CAMK4: variants seen among roughly 807,000 people sequenced by gnomAD.
The protein encoded by CAMK4 is calcium/calmodulin dependent protein kinase IV.
In CAMK4, 22 loss-of-function variants were observed where a neutral mutation model predicts 44.9. That is an observed-to-expected ratio of 0.49 (90% CI 0.35 to 0.70). CAMK4 has a LOEUF of 0.70. CAMK4 is among the 30% of genes least tolerant of loss of function. The pLI is 0.01. For synonymous variants in CAMK4, 218 were observed against 215.4 expected, an observed-to-expected ratio of 1.01 and a Z score of -0.11; for missense variants, 498 against 586.8, an observed-to-expected ratio of 0.85 and a Z score of 1.56.
intron 5 of CAMK4, among the ~76,000 whole-genome samples, chr5:111,417,986 T>A (rs969118871): frequency 1.3e-5 from 2 of 152,144 alleles, no homozygotes; most frequent in Non-Finnish European, 1.5e-5. Context: ...TACTTACAAC[T>A]GATATTTTGG....
chr5:111,284,098 T>C (rs987282032), intron 1 of CAMK4, among the ~76,000 whole-genome samples: 1 of 152,232 alleles, frequency 6.6e-6, no homozygotes, highest in Non-Finnish European at 1.5e-5. Flanking sequence ...GTAAAAATTA[T>C]AGTATCCCTT....
chr5:111,432,644 A>ATG (rs1561485064), intron 5 of CAMK4, among the ~76,000 whole-genome samples: 4 of 133,696 alleles, frequency 3.0e-5, no homozygotes, highest in African/African-American at 1.2e-4. Context: ...ATACATATAT[A>ATG]TATGTATATA....
chr5:111,236,536 A>T (rs1475003024), intron 1 of CAMK4, among the ~76,000 whole-genome samples: 1 of 152,222 alleles, frequency 6.6e-6, no homozygotes, highest in East Asian at 1.9e-4. Context: ...GGTTTGTCAG[A>T]CTTCAGCACT....
intron 1 of CAMK4, among the ~76,000 whole-genome samples, chr5:111,263,283 A>T (rs1202472122): frequency 6.6e-6 from 1 of 152,210 alleles, no homozygotes; most frequent in Non-Finnish European, 1.5e-5. Flanking sequence ...CTTTTATGTT[A>T]TATACATCAT....
chr5:111,388,309 T>G (rs144129733), intron 4 of CAMK4, among the ~76,000 whole-genome samples: 2 of 152,182 alleles, frequency 1.3e-5, no homozygotes, highest in African/African-American at 2.4e-5. Flanking sequence ...ATACATTACA[T>G]CTATGATAAT....
rs143584280 is a variant in CAMK4, at chr5:111,482,806, G to A, written c.850G>A (p.Asp284Asn). 110 of 1,608,356 alleles carry A rather than the reference G, an allele frequency of 6.8e-5. No individual in the cohort carries two copies. In the African/African-American group the frequency reaches 1.4e-3, roughly 21 times the overall value. Residue 284 changes from aspartate (D) to asparagine (N), a missense_variant, in exon 10 of 11, where the codon GAT becomes AAT. Around this residue, in one of 3 missense-constraint regions of CAMK4, gnomAD observed 203 missense variants for 298.2 expected, o/e 0.68. Transcript: ENST00000282356. The surrounding 1 kb of genome is among the most constrained non-coding windows in gnomAD (Gnocchi z 4.9). Reference sequence around the variant, plus strand: ...TCAGGTCAGAAAATTAATTGTTTTGGATCCAAAGAAACGGCTGACTACATT... The same window carrying A: ...TCAGGTCAGAAAATTAATTGTTTTGAATCCAAAGAAACGGCTGACTACATT... Reference protein sequence around the residue: ...KDLVRKLIVLDPKKRLTTFQA... With the variant: ...KDLVRKLIVLNPKKRLTTFQA...
intron 2 of CAMK4, among the ~76,000 whole-genome samples, chr5:111,356,465 T>C (rs564049027): frequency 2.7e-4 from 41 of 152,260 alleles, no homozygotes; most frequent in East Asian, 1.4e-3. Context: ...CCTGTTCACT[T>C]TGATGGTAGT....
chr5:111,324,962 G>C (rs773055710), intron 1 of CAMK4, among the ~76,000 whole-genome samples: 1 of 151,392 alleles, frequency 6.6e-6, no homozygotes, highest in Non-Finnish European at 1.5e-5. Flanking sequence ...TTTAAGCCCC[G>C]CGTGCATTAG....
intron 1 of CAMK4, among the ~76,000 whole-genome samples, chr5:111,261,323 T>G (rs1266991680): frequency 6.6e-6 from 1 of 152,210 alleles, no homozygotes; most frequent in African/African-American, 2.4e-5. Context: ...CAATGTCTGG[T>G]GCATAATATG....
chr5:111,342,367 G>A (rs2112749281), intron 1 of CAMK4, among the ~76,000 whole-genome samples: 1 of 151,450 alleles, frequency 6.6e-6, no homozygotes, highest in Non-Finnish European at 1.5e-5. Context: ...CGTAATTAAT[G>A]TCCCCCTTTA....
chr5:111,363,278 G>A (rs1411105666), intron 2 of CAMK4, among the ~76,000 whole-genome samples: 4 of 152,064 alleles, frequency 2.6e-5, no homozygotes, highest in Non-Finnish European at 4.4e-5. Context: ...TAAGTGGCAG[G>A]ATGAGAACTG....
At chr5:111,343,954 A>G in intron 1 of CAMK4, 70 bp from the exon 2 acceptor site, 2 of 889,660 alleles carry the variant, frequency 2.2e-6, no homozygotes, top group Admixed American at 2.0e-5. Context: ...AGATACACTT[A>G]TTTTCAAGCT....
chr5:111,334,100 T>C (rs1749292280), intron 1 of CAMK4, among the ~76,000 whole-genome samples: 1 of 151,516 alleles, frequency 6.6e-6, no homozygotes, highest in African/African-American at 2.4e-5. Context: ...CTTGGACTTT[T>C]CTTAACATCT....
chr5:111,429,917 CAAAAAAA>C lies in CAMK4; in HGVS notation c.460-16759_460-16753del, dbSNP rs139404786. Among the ~76,000 whole-genome samples, 228 of 135,806 alleles carry C rather than the reference CAAAAAAA, an allele frequency of 1.7e-3. 1 individual carries two copies. The highest frequency in any genetic ancestry group is 5.9e-3 in the African/African-American group (218 of 37,096). 89.1% of individuals were successfully genotyped at this position (135,806 alleles called of 152,430 possible). ...AATATCAATCCTTCTCAAACTATTC[CAAAAAAA>C]AAAAAAAAATAGAAGAGGAGGGAAT... On this transcript the variant is annotated intron_variant, in intron 5 of 10. Transcript: ENST00000282356.
intron 1 of CAMK4, among the ~76,000 whole-genome samples, chr5:111,339,474 T>C (rs1038049461): frequency 5.3e-5 from 8 of 151,378 alleles, no homozygotes; most frequent in East Asian, 1.9e-4. Flanking sequence ...CACCATTTAT[T>C]AATGAAAATA....
At chr5:111,311,750 C>T (rs1035031944) in intron 1 of CAMK4, among the ~76,000 whole-genome samples, 3 of 152,140 alleles carry the variant, frequency 2.0e-5, no homozygotes, top group African/African-American at 7.2e-5. Flanking sequence ...TTTCTTGTTT[C>T]TCAAGGACAA....
At chr5:111,269,191 T>TA (rs1750394130) in intron 1 of CAMK4, among the ~76,000 whole-genome samples, 1 of 152,214 alleles carries the variant, frequency 6.6e-6, no homozygotes, top group East Asian at 1.9e-4. Flanking sequence ...TACTGTTCTG[T>TA]ATGTGAGCTG....
chr5:111,331,012 A>G (rs1749144703), intron 1 of CAMK4, among the ~76,000 whole-genome samples: 7 of 151,792 alleles, frequency 4.6e-5, no homozygotes, highest in Admixed American at 4.6e-4. Flanking sequence ...AAAACTAGAA[A>G]ACTACTAGAA....
At chr5:111,227,982 G>A (rs1224689021) in intron 1 of CAMK4, among the ~76,000 whole-genome samples, 2 of 152,146 alleles carry the variant, frequency 1.3e-5, no homozygotes. Flanking sequence ...TTCTGAGGGA[G>A]AAGGGAGCTG....
Sources: gnomAD v4.1 joint callset for allele counts (sites outside exome capture counted in the v4.1 genomes callset) on GRCh38, gnomAD v4.1.1 for gene constraint, gnomAD v4.1.1 regional missense constraint, Gnocchi (gnomAD v3.1) non-coding constraint, MANE v1.5 for transcripts, NCBI Gene and HGNC (gene_info 2026-07-23, HGNC 2026-07-21) for gene names.